ZNFX1: variants seen among roughly 807,000 people sequenced by gnomAD.
ZNFX1 encodes the protein NFX1-type zinc finger-containing protein 1.
ZNFX1 carries 78 observed loss-of-function variants against 179.8 expected under a neutral mutation model. The observed-to-expected ratio is 0.43, with a 90% confidence interval of 0.36 to 0.52. ZNFX1 has a LOEUF of 0.52. ZNFX1 is among the 20% of genes least tolerant of loss of function. The probability of loss-of-function intolerance (pLI) is 0.00; values close to 1 mark genes in which losing one functional copy is unlikely to be tolerated. For missense variants in ZNFX1, 1,927 were observed against 2,386.6 expected (o/e 0.81, Z 4.01); for synonymous variants, 848 against 868.5 (o/e 0.98, Z 0.42).
At chr20:49,253,922 A>C (rs1732671017) in intron 10 of ZNFX1, 111 bp from the exon 11 acceptor site, 2 of 1,297,818 alleles carry the variant, frequency 1.5e-6, no homozygotes, top group Non-Finnish European at 2.1e-6. Flanking sequence ...TGCATCAGCG[A>C]CAGCTGGTCC....
chr20:49,267,379 C>T (rs1600994828), intron 3 of ZNFX1, among the ~76,000 whole-genome samples: 1 of 151,990 alleles, frequency 6.6e-6, no homozygotes. Flanking sequence ...ATGTGTACTG[C>T]AGCCTGAACA....
chr20:49,268,961 G>A (rs963401370), intron 3 of ZNFX1, among the ~76,000 whole-genome samples: 3 of 152,202 alleles, frequency 2.0e-5, no homozygotes, highest in Non-Finnish European at 4.4e-5. Context: ...TTCTCAAACA[G>A]CTTAAAACAG....
At position 49,270,789 on chromosome 20, in the gene ZNFX1, G is replaced by T. The variant is rs1981364809; in HGVS notation, c.1023C>A (p.Thr341=). Residue 341 remains threonine, a synonymous_variant, in exon 3 of 14, where the codon ACC becomes ACA. Coordinates refer to ENST00000396105, the MANE Select transcript of ZNFX1 (RefSeq NM_021035.3). The surrounding 1 kb of genome is among the most constrained non-coding windows in gnomAD (Gnocchi z 4.6). ...ESYRTMPIYP[T]YNEVHLDERP... is the part of the protein sequence containing the mutation. ...TCTCATCCAAGTGCACTTCATTGTA[G>T]GTAGGGTAAATGGGCATGGTTCGGT... 9 of 1,614,178 alleles carry T rather than the reference G, an allele frequency of 5.6e-6. No individual in the cohort carries two copies. Among genetic ancestry groups the T allele is most frequent in the Non-Finnish European group, 7.6e-6 (9 of 1,180,040 alleles).
Position 49,248,896 on chromosome 20 carries a change from G to A in ZNFX1, c.4128C>T (p.Cys1376=). ...TGTGCCCACATCTCAGAGACTTGGA[G>A]CAAGGCTCCTGGCAGCAGAAATCTG... is the stretch of plus-strand genomic sequence containing the variant. ...PESDFCCQEP[C]SKSLRCGHRC... The change falls in exon 14 of 14, where the codon TGC becomes TGT. Residue 1376 remains cysteine (C), a synonymous_variant. Transcript: ENST00000396105. The surrounding 1 kb of genome is among the most constrained non-coding windows in gnomAD (Gnocchi z 4.6). The A allele has an allele frequency of 6.2e-7, 1 of 1,614,284 alleles. No homozygotes were observed. The highest frequency in any genetic ancestry group is 1.1e-5 in the South Asian group (1 of 91,090).
chr20:49,260,366 CTTTA>C, intron 7 of ZNFX1, 93 bp downstream of exon 7: 3 of 696,294 alleles, frequency 4.3e-6, no homozygotes, highest in South Asian at 4.4e-5. Context: ...ACTCATAGCT[CTTTA>C]TTTATTCTGG....
chr20:49,263,451 C>T lies in ZNFX1; in HGVS notation c.2184G>A (p.Glu728=). ...IMTQMKESEQ[E]LHEGAKTLEC... ...CCAGGGTCTTGGCTCCTTCATGAAG[C>T]TCTTGCTCTGACTCCTTCATCTGTG... The change falls in exon 6 of 14, where the codon GAG becomes GAA. Residue 728 remains glutamate (E), a synonymous_variant. Coordinates refer to ENST00000396105, the MANE Select transcript of ZNFX1 (RefSeq NM_021035.3). The T allele has an allele frequency of 1.2e-6, 2 of 1,600,370 alleles. No individual in the cohort carries two copies. Among genetic ancestry groups the T allele is most frequent in the Non-Finnish European group, 1.7e-6 (2 of 1,172,618 alleles).
chr20:49,253,060 G>A (rs1341003551), intron 11 of ZNFX1, among the ~76,000 whole-genome samples: 2 of 152,168 alleles, frequency 1.3e-5, no homozygotes, highest in African/African-American at 4.8e-5. Context: ...CTAGGCCTCT[G>A]AACAGTGACA....
rs202074894 is a variant in ZNFX1, at chr20:49,253,693, G to A, written c.3078C>T (p.His1026=). 2.0e-4 allele frequency: 319 copies of A among 1,614,034 alleles called. No individual in the cohort carries two copies. Among genetic ancestry groups the A allele is most frequent in the Middle Eastern group, 1.6e-4 (1 of 6,066 alleles). The change falls in exon 11 of 14, where the codon CAC becomes CAT. Residue 1026 remains histidine, a synonymous_variant. Transcript: ENST00000396105. The stretch of plus-strand genomic sequence containing the variant: ...GCTGGTGGTCCCCAATCAAAATGAG[G>A]TGCTGGCAAGCTTTGCTCAATGTGG... The part of the protein sequence containing the change: ...TIATLSKACQ[H]LILIGDHQQL...
Position 49,251,518 on chromosome 20 carries a change from C to A in ZNFX1, c.3312+9G>T, listed in dbSNP as rs575685130. On this transcript the variant is annotated intron_variant, in intron 13 of 13. Coordinates refer to ENST00000396105, the MANE Select transcript of ZNFX1 (RefSeq NM_021035.3). ...ACCATCCAAGAAAGATCGGGTAAGA[C>A]AGACTCACCTTAATCTTCTCATACT... The A allele has an allele frequency of 2.5e-6, 4 of 1,607,732 alleles. No individual in the cohort carries two copies. The highest frequency in any genetic ancestry group is 3.4e-6 in the Non-Finnish European group (4 of 1,176,052).
chr20:49,263,731 C>T (rs1328859290), intron 5 of ZNFX1, among the ~76,000 whole-genome samples: 1 of 152,134 alleles, frequency 6.6e-6, no homozygotes, highest in Non-Finnish European at 1.5e-5. Context: ...AGGTGGATCA[C>T]TTGAGGTCTG....
Position 49,271,102 on chromosome 20 carries a change from C to T in ZNFX1, c.710G>A (p.Arg237Gln), listed in dbSNP as rs746297164. 4.3e-6 allele frequency: 7 copies of T among 1,613,978 alleles called. No homozygotes were observed. Among genetic ancestry groups the T allele is most frequent in the South Asian group, 2.2e-5 (2 of 91,082 alleles). The change falls in exon 3 of 14, where the codon CGA becomes CAA. Residue 237 changes from arginine (R) to glutamine (Q), a missense_variant. Physicochemically the swap from Arg to Gln is conservative, Grantham distance 43. Transcript: ENST00000396105. ...GCTTATGTGCTCTGGATACTGGTTTCGGATGTCAGGGATGGGTTCAGTGAT... is the reference window on the plus strand; with the variant it reads ...GCTTATGTGCTCTGGATACTGGTTTTGGATGTCAGGGATGGGTTCAGTGAT... ...GMITEPIPDI[R>Q]NQYPEHISNI... is the part of the protein sequence containing the mutation.
intron 9 of ZNFX1, among the ~76,000 whole-genome samples, chr20:49,255,586 C>T (rs758865123): frequency 1.1e-4 from 16 of 152,166 alleles, no homozygotes; most frequent in Non-Finnish European, 2.2e-4. Context: ...ATAGGCTCCA[C>T]GAAGGTAATA....
chr20:49,276,396 GT>G (rs1210058514), intron 1 of ZNFX1, among the ~76,000 whole-genome samples: 3 of 152,222 alleles, frequency 2.0e-5, no homozygotes, highest in South Asian at 2.1e-4. Flanking sequence ...TTAGTGAGCA[GT>G]TATCCCCTTA....
At chr20:49,277,746 G>A (rs1463500390) in intron 1 of ZNFX1, among the ~76,000 whole-genome samples, 3 of 150,934 alleles carry the variant, frequency 2.0e-5, no homozygotes, top group Non-Finnish European at 4.4e-5. Context: ...GGGGTCTGAG[G>A]GGGAGACGGG....
At chr20:49,272,966 A>G (rs544002324) in intron 2 of ZNFX1, among the ~76,000 whole-genome samples, 141 of 151,542 alleles carry the variant, frequency 9.3e-4, no homozygotes, top group Non-Finnish European at 1.6e-3. Flanking sequence ...TGACATGAAG[A>G]TTTTAAAAAC....
intron 5 of ZNFX1, 80 bp from the exon 6 acceptor site, chr20:49,263,563 AGC>A (rs1981166452): frequency 2.7e-6 from 4 of 1,491,416 alleles, no homozygotes; most frequent in Admixed American, 2.0e-5. Context: ...GGGAAAGCAA[AGC>A]TAAGACAGGA....
chr20:49,274,405 G>T lies in ZNFX1; in HGVS notation c.61+1374C>A, dbSNP rs962686902. Among the ~76,000 whole-genome samples the T allele has an allele frequency of 2.6e-5, 4 of 152,156 alleles. No individual in the cohort carries two copies. In the East Asian group the frequency reaches 7.7e-4, roughly 29 times the overall value. Reference sequence around the variant, plus strand: ...AATCAAATAACATTTTGGTTATACTGGGTTAAATAAGACATTATTAAATTC... The same window carrying T: ...AATCAAATAACATTTTGGTTATACTTGGTTAAATAAGACATTATTAAATTC... On this transcript the variant is annotated intron_variant, in intron 2 of 13. Transcript: ENST00000396105.
At chr20:49,263,219 T>C in intron 6 of ZNFX1, 115 bp downstream of exon 6, 1 of 1,311,830 alleles carries the variant, frequency 7.6e-7, no homozygotes, top group South Asian at 1.5e-5. Flanking sequence ...ACTTTACACA[T>C]TGTGGCAGCA....
At position 49,247,529 on chromosome 20, in the gene ZNFX1, C is replaced by T. The variant is rs1980709397; in HGVS notation, c.5495G>A (p.Arg1832Gln). ...ACCTATGGCACTGACAATCTGCACTCGCTCTTCCTCTGAGATGCCCAGGCC... is the reference window on the plus strand; with the variant it reads ...ACCTATGGCACTGACAATCTGCACTTGCTCTTCCTCTGAGATGCCCAGGCC... Reference protein sequence around the residue: ...CSGLGISEEERVQIVSAIGYP... With the variant: ...CSGLGISEEEQVQIVSAIGYP... The change falls in exon 14 of 14, where the codon CGA becomes CAA. Residue 1832 changes from arginine (R) to glutamine (Q), a missense_variant. By Grantham distance (43) the Arg-to-Gln change is conservative. Transcript: ENST00000396105. 4 of 1,614,222 alleles carry T rather than the reference C, an allele frequency of 2.5e-6. No homozygotes were observed. Among genetic ancestry groups the T allele is most frequent in the Non-Finnish European group, 3.4e-6 (4 of 1,180,040 alleles).
Sources: gnomAD v4.1 joint callset for allele counts (sites outside exome capture counted in the v4.1 genomes callset) on GRCh38, gnomAD v4.1.1 for gene constraint, Gnocchi (gnomAD v3.1) non-coding constraint, MANE v1.5 for transcripts, NCBI Gene and HGNC (gene_info 2026-07-23, HGNC 2026-07-21) for gene names.